The following CEP112 variants were observed in gnomAD, a reference collection of about 807,000 sequenced individuals.
CEP112 encodes the protein centrosomal protein of 112 kDa.
Under a neutral mutation model 153.0 loss-of-function variants are expected in CEP112, and 127 were observed. The observed-to-expected ratio is 0.83, with a 90% confidence interval of 0.72 to 0.96. The LOEUF is 0.96. Ranked by LOEUF, CEP112 falls within the 40% of genes least tolerant of loss-of-function variation. The probability of loss-of-function intolerance (pLI) is 0.00; values close to 1 mark genes in which losing one functional copy is unlikely to be tolerated. For missense variants in CEP112, 1,089 were observed against 1,101.2 expected (o/e 0.99, Z 0.16); for synonymous variants, 358 against 374.4 (o/e 0.96, Z 0.51).
intron 21 of CEP112, among the ~76,000 whole-genome samples, chr17:65,839,165 C>G (rs2057426982): frequency 1.3e-5 from 2 of 151,940 alleles, no homozygotes; most frequent in South Asian, 4.2e-4. Context: ...CAGCATTAAC[C>G]TGATACTAAA....
intron 20 of CEP112, among the ~76,000 whole-genome samples, chr17:65,901,293 T>C (rs1349859233): frequency 6.6e-6 from 1 of 152,156 alleles, no homozygotes; most frequent in Non-Finnish European, 1.5e-5. Flanking sequence ...ATACAATATG[T>C]TTTTATTAGA....
intron 20 of CEP112, among the ~76,000 whole-genome samples, chr17:65,878,564 G>A (rs1598859434): frequency 1.3e-5 from 2 of 152,260 alleles, no homozygotes; most frequent in South Asian, 2.1e-4. Context: ...CACCACTTTT[G>A]GAGGAGAGAA....
At chr17:65,677,631 G>A (rs531560452) in intron 24 of CEP112, among the ~76,000 whole-genome samples, 3 of 152,114 alleles carry the variant, frequency 2.0e-5, no homozygotes, top group African/African-American at 4.8e-5. Flanking sequence ...TCTCTACTTC[G>A]GCTGGGTGTG....
chr17:65,971,014 G>T (rs1360729733), intron 17 of CEP112, among the ~76,000 whole-genome samples: 4 of 152,166 alleles, frequency 2.6e-5, no homozygotes, highest in African/African-American at 9.7e-5. Flanking sequence ...TATTTTGGAA[G>T]ATAATTATTG....
intron 21 of CEP112, among the ~76,000 whole-genome samples, chr17:65,752,358 C>T (rs747404882): frequency 6.6e-6 from 1 of 152,150 alleles, no homozygotes; most frequent in African/African-American, 2.4e-5. Context: ...CCTGGACTCT[C>T]CCATGCCAGC....
chr17:65,969,082 A>AT (rs199636922), intron 17 of CEP112, among the ~76,000 whole-genome samples: 29,367 of 141,084 alleles, frequency 0.21, 4,806 homozygotes, highest in African/African-American at 0.45. Flanking sequence ...GTGTGTGTGG[A>AT]TTTTTTTTTT....
intron 12 of CEP112, among the ~76,000 whole-genome samples, chr17:66,039,403 G>C (rs2065879271): frequency 6.6e-6 from 1 of 151,996 alleles, no homozygotes; most frequent in Non-Finnish European, 1.5e-5. Flanking sequence ...ATGGCAAAAA[G>C]AGCAACTAAT....
intron 11 of CEP112, among the ~76,000 whole-genome samples, chr17:66,055,718 C>T (rs1263308234): frequency 1.3e-5 from 2 of 152,206 alleles, no homozygotes; most frequent in South Asian, 2.1e-4. Flanking sequence ...CCGTCGCTGT[C>T]GGAGGGGTGG....
intron 8 of CEP112, among the ~76,000 whole-genome samples, chr17:66,094,484 C>G (rs748549234): frequency 2.0e-5 from 3 of 152,040 alleles, no homozygotes; most frequent in Non-Finnish European, 2.9e-5. Flanking sequence ...CCTTATCTCA[C>G]ACCATATACA....
intron 24 of CEP112, among the ~76,000 whole-genome samples, chr17:65,678,184 T>C (rs1219701891): frequency 6.6e-6 from 1 of 151,640 alleles, no homozygotes; most frequent in Admixed American, 6.6e-5. Context: ...CTACTTTCTC[T>C]TTCTACCTGT....
At chr17:65,790,148 T>A (rs991566687) in intron 21 of CEP112, among the ~76,000 whole-genome samples, 9 of 152,222 alleles carry the variant, frequency 5.9e-5, no homozygotes, top group Non-Finnish European at 1.3e-4. Context: ...GTATGGGACT[T>A]GGAAGGCAGA....
chr17:65,988,467 C>G (rs2063481739), intron 17 of CEP112, among the ~76,000 whole-genome samples: 1 of 152,200 alleles, frequency 6.6e-6, no homozygotes, highest in Non-Finnish European at 1.5e-5. Context: ...GATATGTGAA[C>G]TCTCTGACCA....
chr17:66,124,044 C>CT (rs1419431878), intron 6 of CEP112, among the ~76,000 whole-genome samples: 2 of 152,134 alleles, frequency 1.3e-5, no homozygotes, highest in East Asian at 3.9e-4. Flanking sequence ...AGTTTGAAGT[C>CT]TTTACTATGT....
chr17:65,725,567 T>C (rs2050132648), intron 23 of CEP112, among the ~76,000 whole-genome samples: 1 of 152,210 alleles, frequency 6.6e-6, no homozygotes, highest in Non-Finnish European at 1.5e-5. Flanking sequence ...TCCAGTCGCC[T>C]GGGCCTCCCA....
chr17:66,092,422 T>C (rs376766030), intron 8 of CEP112, among the ~76,000 whole-genome samples: 33 of 145,182 alleles, frequency 2.3e-4, no homozygotes, highest in Non-Finnish European at 4.2e-4. Context: ...GCCCAGGACC[T>C]GATGGCTTCA....
chr17:66,114,999 G>A (rs899509254), intron 6 of CEP112, among the ~76,000 whole-genome samples: 1 of 152,086 alleles, frequency 6.6e-6, no homozygotes, highest in African/African-American at 2.4e-5. Context: ...GAGGTCAGGA[G>A]TTTGAGACCA....
chr17:65,869,833 C>T (rs2058596482), intron 20 of CEP112, among the ~76,000 whole-genome samples: 1 of 151,886 alleles, frequency 6.6e-6, no homozygotes, highest in South Asian at 2.1e-4. Flanking sequence ...GATCCACCCG[C>T]CTAGGTCTCC....
chr17:65,936,099 G>A (rs983559089), intron 18 of CEP112, among the ~76,000 whole-genome samples: 1 of 152,124 alleles, frequency 6.6e-6, no homozygotes, highest in South Asian at 2.1e-4. Context: ...AAAAACAAGG[G>A]AGAATTACGA....
chr17:65,732,431 C>T (rs146425231), intron 23 of CEP112, among the ~76,000 whole-genome samples: 104 of 152,280 alleles, frequency 6.8e-4, no homozygotes, highest in Non-Finnish European at 1.2e-3. Flanking sequence ...CTTTAGCATC[C>T]TAGGGTTTTT....
Sources: gnomAD v4.1 joint callset for allele counts (sites outside exome capture counted in the v4.1 genomes callset) on GRCh38, gnomAD v4.1.1 for gene constraint, MANE v1.5 for transcripts, NCBI Gene and HGNC (gene_info 2026-07-23, HGNC 2026-07-21) for gene names.